SORBS2: variants seen among roughly 807,000 people sequenced by gnomAD.
SORBS2 encodes sorbin and SH3 domain-containing protein 2.
In SORBS2, 46 loss-of-function variants were observed where a neutral mutation model predicts 97.7. The observed-to-expected ratio is 0.47, with a 90% CI of 0.37 to 0.60. The LOEUF (loss-of-function observed/expected upper bound fraction) is 0.60, where lower values mean the gene tolerates loss of function less well. Ranked by LOEUF, SORBS2 falls within the 20% of genes least tolerant of loss-of-function variation. The probability of loss-of-function intolerance (pLI) is 0.00; values close to 1 mark genes in which losing one functional copy is unlikely to be tolerated. For missense variants in SORBS2, 1,316 were observed against 1,282.3 expected (o/e 1.03, Z -0.40); for synonymous variants, 476 against 473.4 (o/e 1.01, Z -0.07).
chr4:185,911,744 A>G (rs189220994), intron 1 of SORBS2, among the ~76,000 whole-genome samples: 192 of 152,304 alleles, frequency 1.3e-3, no homozygotes, highest in African/African-American at 4.2e-3. Flanking sequence ...CAACTGGGCA[A>G]CTGTAACTCA....
chr4:185,638,182 A>C lies in SORBS2; in HGVS notation c.397-7584T>G, dbSNP rs1008312709. 1.3e-6 allele frequency: 2 copies of C among 1,490,282 alleles called. No homozygotes were observed. Among genetic ancestry groups the C allele is most frequent in the African/African-American group, 2.8e-5 (2 of 72,424 alleles). 92.3% of individuals were successfully genotyped at this position (1,490,282 alleles called of 1,614,324 possible). ...ATCAGTCTAGAGCAGATGTGAAGGA[A>C]AAGGGAAGGAAAAGGCACACTGAGC... On this transcript the variant is annotated intron_variant, in intron 4 of 14. Transcript: ENST00000418609.
At chr4:185,613,672 C>T (rs541914820) in intron 11 of SORBS2, among the ~76,000 whole-genome samples, 24 of 133,788 alleles carry the variant, frequency 1.8e-4, no homozygotes, top group African/African-American at 6.5e-4. Flanking sequence ...AAAAAAAAGT[C>T]AGTCTCCCCA....
chr4:185,801,539 T>C (rs2099130371), intron 1 of SORBS2, among the ~76,000 whole-genome samples: 1 of 152,230 alleles, frequency 6.6e-6, no homozygotes, highest in Admixed American at 6.5e-5. Flanking sequence ...TGTCTCACTG[T>C]GGTTTTGACT....
In SORBS2 at chr4:185,684,850, G is replaced by A. The variant is rs765120551; in HGVS notation, c.-197-6028C>T. 1 of 1,550,962 alleles carries A rather than the reference G, an allele frequency of 6.4e-7. No individual in the cohort carries two copies. Among genetic ancestry groups the A allele is most frequent in the South Asian group, 1.2e-5 (1 of 83,920 alleles). On this transcript the variant is annotated intron_variant, in intron 2 of 20. Transcript: ENST00000284776. This position sits in a 1 kb window ranked among gnomAD's most constrained non-coding sequence, Gnocchi z 4.2. ...TTGCGAGCACACCCACCGCTATCTGGAAGCAAAAAAATGATATAGCAGAGG... is the reference window on the plus strand; with the variant it reads ...TTGCGAGCACACCCACCGCTATCTGAAAGCAAAAAAATGATATAGCAGAGG...
At chr4:185,659,929 A>G (rs148822875), upstream of SORBS2, among the ~76,000 whole-genome samples, 12 of 152,280 alleles carry the variant, frequency 7.9e-5, no homozygotes, top group African/African-American at 2.6e-4. Flanking sequence ...ATGAACCCAT[A>G]CCTTATGCAA....
At chr4:185,876,716 T>C (rs564825481) in intron 1 of SORBS2, among the ~76,000 whole-genome samples, 6 of 152,252 alleles carry the variant, frequency 3.9e-5, no homozygotes, top group Non-Finnish European at 7.3e-5. Context: ...ATTCAAATTA[T>C]GGCAGAACTT....
chr4:185,585,589 A>G (rs931305160), exon 15 of SORBS2: 1 of 151,844 alleles, frequency 6.6e-6, no homozygotes, highest in African/African-American at 2.4e-5. Flanking sequence ...GCTTGTAAGA[A>G]TTCAAAGTCA....
intron 4 of SORBS2, among the ~76,000 whole-genome samples, chr4:185,674,940 G>A (rs551125804): frequency 1.3e-5 from 2 of 152,220 alleles, no homozygotes; most frequent in East Asian, 3.9e-4. Flanking sequence ...ATTTACTCCA[G>A]TTCTTATTAA....
intron 1 of SORBS2, among the ~76,000 whole-genome samples, chr4:185,825,211 T>TG (rs954416127): frequency 1.2e-5 from 1 of 81,880 alleles, no homozygotes; most frequent in Non-Finnish European, 2.8e-5. Flanking sequence ...TTCTGTTTTT[T>TG]GTTTTTTTTT....
intron 1 of SORBS2, among the ~76,000 whole-genome samples, chr4:185,822,648 G>A (rs780170334): frequency 4.6e-5 from 7 of 152,222 alleles, no homozygotes; most frequent in Admixed American, 1.3e-4. Flanking sequence ...GCACAGCCAC[G>A]CCATGGGAGA....
intron 1 of SORBS2, among the ~76,000 whole-genome samples, chr4:185,874,047 A>G (rs1190262286): frequency 6.6e-6 from 1 of 152,076 alleles, no homozygotes; most frequent in Admixed American, 6.6e-5. Context: ...AATTTCACTT[A>G]CTCTTTATTC....
intron 1 of SORBS2, among the ~76,000 whole-genome samples, chr4:185,862,776 A>G (rs72707647): frequency 0.23 from 35,273 of 152,180 alleles, 4,570 homozygotes; most frequent in Middle Eastern, 0.35. Flanking sequence ...CTTCAACCTC[A>G]GGTCCCCCTC....
intron 2 of SORBS2, among the ~76,000 whole-genome samples, chr4:185,724,799 A>G (rs533530552): frequency 6.6e-6 from 1 of 152,210 alleles, no homozygotes; most frequent in South Asian, 2.1e-4. Flanking sequence ...CTTTTTATTT[A>G]CAAAATTCTA....
intron 1 of SORBS2, among the ~76,000 whole-genome samples, chr4:185,838,752 C>T (rs969416366): frequency 6.6e-6 from 1 of 152,166 alleles, no homozygotes; most frequent in African/African-American, 2.4e-5. Flanking sequence ...CTGCCTCGGG[C>T]TCTCTGTCCT....
chr4:185,835,356 A>C (rs1196412698), intron 1 of SORBS2, among the ~76,000 whole-genome samples: 1 of 152,260 alleles, frequency 6.6e-6, no homozygotes, highest in Non-Finnish European at 1.5e-5. Flanking sequence ...AATGTTGCTT[A>C]ATCACAGAAA....
At position 185,606,783 on chromosome 4, in the gene SORBS2, G is replaced by T; in HGVS notation, c.2796+4997C>A. The T allele has an allele frequency of 5.1e-6, 5 of 985,302 alleles. No homozygotes were observed. The highest frequency in any genetic ancestry group is 4.8e-6 in the Non-Finnish European group (4 of 829,920). 61.0% of individuals were successfully genotyped at this position (985,302 alleles called of 1,614,324 possible). ...GAGGTTCTGGCGGCCCTCTCTGGAT[G>T]CCTGACACAATCCCCTCATAGATGC... On this transcript the variant is annotated intron_variant, in intron 12 of 14. Transcript: ENST00000418609. This position sits in a 1 kb window ranked among gnomAD's most constrained non-coding sequence, Gnocchi z 4.3.
At chr4:185,790,012 T>C (rs1403733252) in intron 1 of SORBS2, among the ~76,000 whole-genome samples, 1 of 152,162 alleles carries the variant, frequency 6.6e-6, no homozygotes, top group Non-Finnish European at 1.5e-5. Context: ...AAACAATATA[T>C]CTACTGTAGT....
At chr4:185,819,186 T>C (rs1331657559) in intron 1 of SORBS2, among the ~76,000 whole-genome samples, 1 of 152,170 alleles carries the variant, frequency 6.6e-6, no homozygotes, top group African/African-American at 2.4e-5. Context: ...ACTTGAAGGA[T>C]TGAGAAATAA....
At chr4:185,780,092 C>T (rs1262569440) in intron 1 of SORBS2, among the ~76,000 whole-genome samples, 8 of 149,042 alleles carry the variant, frequency 5.4e-5, no homozygotes, top group African/African-American at 1.2e-4. Flanking sequence ...CTCGGCTCAC[C>T]GCAACCTCTA....
Sources: gnomAD v4.1 joint callset for allele counts (sites outside exome capture counted in the v4.1 genomes callset) on GRCh38, gnomAD v4.1.1 for gene constraint, Gnocchi (gnomAD v3.1) non-coding constraint, MANE v1.5 for transcripts, NCBI Gene and HGNC (gene_info 2026-07-23, HGNC 2026-07-21) for gene names.